Variants in EPHA6 observed in about 807,000 individuals in gnomAD.
EPHA6 encodes EPH receptor A6.
In EPHA6, 50 loss-of-function variants were observed where a neutral mutation model predicts 112.0. That is an observed-to-expected ratio of 0.45 (90% CI 0.36 to 0.56). The LOEUF is 0.56. Ranked by LOEUF, EPHA6 falls within the 20% of genes least tolerant of loss-of-function variation. The probability of loss-of-function intolerance (pLI) is 0.00; values close to 1 mark genes in which losing one functional copy is unlikely to be tolerated. For synonymous variants in EPHA6, 529 were observed against 490.7 expected (o/e 1.08, Z -1.03); for missense variants, 1,280 against 1,417.4 (o/e 0.90, Z 1.56).
At chr3:96,998,351 A>G (rs1286462338) in intron 3 of EPHA6, among the ~76,000 whole-genome samples, 1 of 151,974 alleles carries the variant, frequency 6.6e-6, no homozygotes, top group Non-Finnish European at 1.5e-5. Flanking sequence ...ATATATAGTA[A>G]CAGTTTTTGT....
intron 6 of EPHA6, among the ~76,000 whole-genome samples, chr3:97,443,321 A>T (rs2090203755): frequency 1.3e-5 from 2 of 150,812 alleles, no homozygotes; most frequent in Admixed American, 1.3e-4. Flanking sequence ...TCTAGCCAGT[A>T]GAACAAGAGC....
chr3:97,690,118 CAT>C (rs948721046), intron 14 of EPHA6, among the ~76,000 whole-genome samples: 53 of 152,256 alleles, frequency 3.5e-4, no homozygotes, highest in Admixed American at 2.8e-3. Context: ...TGTGTGGACA[CAT>C]GTTTTTATTT....
chr3:97,111,360 A>G (rs937386027), intron 3 of EPHA6, among the ~76,000 whole-genome samples: 5 of 152,118 alleles, frequency 3.3e-5, no homozygotes, highest in African/African-American at 1.2e-4. Flanking sequence ...TGTATTTGAC[A>G]TGTACCTGGT....
chr3:97,596,940 T>C (rs1262842164), intron 12 of EPHA6, among the ~76,000 whole-genome samples: 2 of 144,120 alleles, frequency 1.4e-5, no homozygotes, highest in African/African-American at 5.2e-5. Flanking sequence ...TATAGATATA[T>C]AGAGATATAT....
At chr3:97,054,726 G>T (rs924074556) in intron 3 of EPHA6, among the ~76,000 whole-genome samples, 8 of 151,962 alleles carry the variant, frequency 5.3e-5, no homozygotes, top group African/African-American at 1.9e-4. Context: ...GGTATGCTCA[G>T]AAAAATGAAA....
intron 2 of EPHA6, among the ~76,000 whole-genome samples, chr3:96,922,607 T>C (rs189534583): frequency 6.6e-6 from 1 of 152,362 alleles, no homozygotes; most frequent in Non-Finnish European, 1.5e-5. Context: ...GTATGATATT[T>C]GTAATCATTA....
rs1164212495 is a variant in EPHA6 at position 97,758,140 on chromosome 3, C to A, written c.*9439C>A. Among the ~76,000 whole-genome samples the A allele has an allele frequency of 2.6e-5, 4 of 151,954 alleles. No individual in the cohort carries two copies. The highest frequency in any genetic ancestry group is 2.0e-4 in the Admixed American group (3 of 15,254). ...TTGTAAAATCTTACCAAGTAGGATA[C>A]TTCAAACAAGAGTGAAAAGCTACTC... On this transcript the variant is annotated 3_prime_UTR_variant, in exon 18 of 18. Transcript: ENST00000389672.
intron 3 of EPHA6, among the ~76,000 whole-genome samples, chr3:97,174,053 T>C (rs2076768451): frequency 1.3e-5 from 2 of 151,650 alleles, no homozygotes; most frequent in Admixed American, 1.3e-4. Flanking sequence ...CTTCCCAGCC[T>C]CTGATAACTA....
chr3:97,565,361 A>G (rs183422272), intron 11 of EPHA6, among the ~76,000 whole-genome samples: 1 of 152,318 alleles, frequency 6.6e-6, no homozygotes, highest in Admixed American at 6.5e-5. Context: ...AGAGGAATCT[A>G]TGTTAGAATA....
intron 4 of EPHA6, among the ~76,000 whole-genome samples, chr3:97,236,899 G>A (rs1429034753): frequency 1.3e-5 from 2 of 151,956 alleles, no homozygotes; most frequent in African/African-American, 2.4e-5. Context: ...TAGCCACATC[G>A]CCGCTCCTAG....
At chr3:97,489,921 C>T (rs1462901064) in intron 10 of EPHA6, among the ~76,000 whole-genome samples, 1 of 152,086 alleles carries the variant, frequency 6.6e-6, no homozygotes, top group East Asian at 1.9e-4. Flanking sequence ...ATTTAATAGA[C>T]TTTCAATTAA....
intron 4 of EPHA6, among the ~76,000 whole-genome samples, chr3:97,236,083 A>T (rs936141884): frequency 1.3e-5 from 2 of 152,008 alleles, no homozygotes; most frequent in African/African-American, 4.8e-5. Context: ...TACTTTAAAG[A>T]ATGAGCTGTG....
At chr3:97,072,827 A>T (rs2046401015) in intron 3 of EPHA6, among the ~76,000 whole-genome samples, 1 of 152,152 alleles carries the variant, frequency 6.6e-6, no homozygotes, top group Non-Finnish European at 1.5e-5. Flanking sequence ...TTTGCCTGCC[A>T]TGTTGACTGT....
chr3:97,357,195 G>A (rs929217278), intron 5 of EPHA6, among the ~76,000 whole-genome samples: 1 of 151,994 alleles, frequency 6.6e-6, no homozygotes, highest in Non-Finnish European at 1.5e-5. Flanking sequence ...TATAGACAAG[G>A]TATAGTTTTG....
At chr3:97,437,197 A>T (rs576183521) in intron 6 of EPHA6, among the ~76,000 whole-genome samples, 1 of 152,152 alleles carries the variant, frequency 6.6e-6, no homozygotes, top group South Asian at 2.1e-4. Context: ...TGGAATATGC[A>T]TGATTTTAGA....
intron 12 of EPHA6, among the ~76,000 whole-genome samples, chr3:97,603,407 A>G (rs749393406): frequency 6.6e-6 from 1 of 151,956 alleles, no homozygotes; most frequent in Admixed American, 6.6e-5. Context: ...ATAAATGCAG[A>G]TCACCTTTCC....
At chr3:97,015,903 G>C (rs1199015033) in intron 3 of EPHA6, among the ~76,000 whole-genome samples, 1 of 152,080 alleles carries the variant, frequency 6.6e-6, no homozygotes, top group Admixed American at 6.5e-5. Context: ...TTAATTATGA[G>C]AAAACATTTA....
chr3:97,054,392 T>A (rs2045786007), intron 3 of EPHA6, among the ~76,000 whole-genome samples: 1 of 152,132 alleles, frequency 6.6e-6, no homozygotes. Flanking sequence ...ATGAGACTAC[T>A]GAAAATGAAT....
At chr3:97,124,419 G>C (rs1162977620) in intron 3 of EPHA6, among the ~76,000 whole-genome samples, 1 of 151,132 alleles carries the variant, frequency 6.6e-6, no homozygotes, top group African/African-American at 2.4e-5. Context: ...GGCCATCACA[G>C]GCATACAGAA....
Sources: allele counts gnomAD v4.1 joint callset (sites outside exome capture counted in the v4.1 genomes callset), GRCh38; gene constraint gnomAD v4.1.1; transcripts MANE v1.5; gene names NCBI Gene and HGNC (gene_info 2026-07-23, HGNC 2026-07-21).